LPIN2: variants seen among roughly 807,000 people sequenced by gnomAD.
LPIN2 encodes the protein phosphatidate phosphatase LPIN2.
Under a neutral mutation model 111.4 loss-of-function variants are expected in LPIN2, and 55 were observed. The observed-to-expected ratio is 0.49, with a 90% confidence interval of 0.40 to 0.62. The LOEUF (loss-of-function observed/expected upper bound fraction) is 0.62. LPIN2 is among the 20% of genes least tolerant of loss of function. LPIN2 has a pLI of 0.00. For synonymous variants in LPIN2, 425 were observed against 414.0 expected (o/e 1.03, Z -0.32); for missense variants, 992 against 1,112.1 (o/e 0.89, Z 1.54).
chr18:2,927,610 G>T, intron 12 of LPIN2, 112 bp downstream of exon 12: 1 of 1,136,856 alleles, frequency 8.8e-7, no homozygotes, highest in Non-Finnish European at 1.3e-6. Context: ...CTGCTATATG[G>T]TAAAATAGCC....
chr18:3,011,834 C>T (rs2078609582), intron 1 of LPIN2: 1 of 152,348 alleles, frequency 6.6e-6, no homozygotes, highest in Non-Finnish European at 1.5e-5. Context: ...GACTGCCCTC[C>T]AACAACTGAG....
At chr18:3,008,557 A>T (rs117141442) in intron 1 of LPIN2, among the ~76,000 whole-genome samples, 2,656 of 152,334 alleles carry the variant, frequency 0.017, 41 homozygotes, top group Non-Finnish European at 0.026. Flanking sequence ...TTTGTACCAT[A>T]TATTTTTTGC....
intron 9 of LPIN2, 58 bp downstream of exon 9, chr18:2,931,198 C>A: frequency 6.4e-7 from 1 of 1,573,708 alleles, no homozygotes; most frequent in Non-Finnish European, 8.7e-7. Context: ...TAAGTTTTAA[C>A]CAAGTGATGA....
rs1271228045 is a variant in LPIN2, at chr18:2,918,954, T to G, written c.*1339A>C. On this transcript the variant is annotated 3_prime_UTR_variant, in exon 20 of 20. Coordinates refer to ENST00000677752, the MANE Select transcript of LPIN2 (RefSeq NM_001375808.2). ...CCACCACGTCCTGTGTTCTCGCCAA[T>G]GGAGACCAAGACCTGGGGTTGGTTC... The G allele has an allele frequency of 1.3e-5, 2 of 152,170 alleles. No individual in the cohort carries two copies. Among genetic ancestry groups the G allele is most frequent in the Non-Finnish European group, 2.9e-5 (2 of 68,036 alleles). 9.4% of individuals were successfully genotyped at this position (152,170 alleles called of 1,614,324 possible). A position where few individuals can be genotyped will look rare whatever the true frequency, so the allele number is the denominator to read the frequency against.
intron 1 of LPIN2, chr18:2,978,970 G>A (rs1322321085): frequency 6.6e-6 from 1 of 152,278 alleles, no homozygotes; most frequent in Non-Finnish European, 1.5e-5. Context: ...CAGGACCACA[G>A]GTAGGTGGAA....
At chr18:2,927,652 A>G in intron 12 of LPIN2, 70 bp downstream of exon 12, 1 of 1,553,448 alleles carries the variant, frequency 6.4e-7, no homozygotes, top group Non-Finnish European at 8.9e-7. Flanking sequence ...GCCTGACAAA[A>G]AGGTTTTTTG....
At position 2,970,546 on chromosome 18, in the gene LPIN2, C is replaced by T. The variant is rs183822016; in HGVS notation, c.-9-9697G>A. On this transcript the variant is annotated intron_variant, in intron 1 of 19. Coordinates refer to ENST00000677752, the MANE Select transcript of LPIN2 (RefSeq NM_001375808.2). ...GATGAGCCAGTCATAAGTTTCTTTG[C>T]GTGGTTGTTCAGAGTCCATTTCCAA... 1.3e-4 allele frequency among the ~76,000 whole-genome samples: 20 copies of T among 152,326 alleles called. No individual in the cohort carries two copies. The East Asian group carries it at 3.1e-3, about 23-fold the overall frequency.
chr18:2,976,854 G>C (rs2078026525), intron 1 of LPIN2, among the ~76,000 whole-genome samples: 1 of 152,174 alleles, frequency 6.6e-6, no homozygotes, highest in Non-Finnish European at 1.5e-5. Flanking sequence ...TAAGCCGTAA[G>C]AGCCTTTGGA....
chr18:2,947,498 C>T (rs1209241161), intron 4 of LPIN2, among the ~76,000 whole-genome samples: 3 of 152,168 alleles, frequency 2.0e-5, no homozygotes, highest in African/African-American at 7.2e-5. Flanking sequence ...TAAAGCTCTC[C>T]GATTTCCAGA....
chr18:2,921,472 C>A, intron 18 of LPIN2, 61 bp downstream of exon 18: 1 of 1,263,868 alleles, frequency 7.9e-7, no homozygotes, highest in Non-Finnish European at 1.2e-6. Flanking sequence ...GGCTACACCC[C>A]ACGAAGTACA....
At chr18:2,996,248 G>A (rs1598608358) in intron 1 of LPIN2, among the ~76,000 whole-genome samples, 1 of 151,910 alleles carries the variant, frequency 6.6e-6, no homozygotes, top group Non-Finnish European at 1.5e-5. Context: ...GCTGAGGCAG[G>A]AGAATAGCTT....
At chr18:2,986,113 C>A (rs2078181851) in intron 1 of LPIN2, among the ~76,000 whole-genome samples, 1 of 152,202 alleles carries the variant, frequency 6.6e-6, no homozygotes, top group African/African-American at 2.4e-5. Flanking sequence ...TGAAGTGTTT[C>A]TTCTCCTAAA....
chr18:2,990,985 G>A (rs650148), intron 1 of LPIN2: 541,303 of 568,716 alleles, frequency 0.95, 259,656 homozygotes, highest in East Asian at 1. Context: ...GCCCATGGGA[G>A]GCCACATGCC....
chr18:2,920,630 T>G (rs1345960500), intron 19 of LPIN2, 148 bp downstream of exon 19: 4 of 803,304 alleles, frequency 5.0e-6, no homozygotes, highest in African/African-American at 3.4e-5. Flanking sequence ...ACAGATATTG[T>G]GAAAGAGAGA....
In LPIN2 at chr18:2,927,736, T is replaced by C; in HGVS notation, c.1696A>G (p.Ser566Gly). The C allele has an allele frequency of 6.2e-7, 1 of 1,614,184 alleles. No homozygotes were observed. Among genetic ancestry groups the C allele is most frequent in the South Asian group, 1.1e-5 (1 of 91,084 alleles). ...GRWWFWRKRE[S>G]MTKQLPESKE... is the part of the protein sequence containing the mutation. ...AGGTCTGTTACCTGTTTGGTCATGC[T>C]TTCTCTCTTTCGCCAAAACCACCAG... The change falls in exon 12 of 20, where the codon AGC becomes GGC. Residue 566 changes from serine (S) to glycine (G), a missense_variant. Physicochemically the swap from Ser to Gly is moderately conservative, Grantham distance 56. Around this residue, in one of 4 missense-constraint regions of LPIN2, gnomAD observed 709 missense variants for 753.2 expected, o/e 0.94. Transcript: ENST00000677752.
intron 3 of LPIN2, among the ~76,000 whole-genome samples, chr18:2,951,698 A>C (rs916570268): frequency 1.3e-5 from 2 of 152,208 alleles, no homozygotes; most frequent in African/African-American, 4.8e-5. Flanking sequence ...CAAAAATCTC[A>C]GGAGGTGTTA....
intron 1 of LPIN2, among the ~76,000 whole-genome samples, chr18:2,961,804 A>C (rs552914783): frequency 6.6e-6 from 1 of 152,344 alleles, no homozygotes; most frequent in South Asian, 2.1e-4. Context: ...AGTGAAAGCC[A>C]TTCTGGGGAC....
intron 1 of LPIN2, chr18:2,985,348 G>C (rs1003803065): frequency 2.0e-5 from 3 of 152,044 alleles, no homozygotes; most frequent in Non-Finnish European, 4.4e-5. Flanking sequence ...AAAGGAAAAC[G>C]CTACTGTATT....
At chr18:3,007,963 T>A (rs772728009) in intron 1 of LPIN2, among the ~76,000 whole-genome samples, 8 of 152,224 alleles carry the variant, frequency 5.3e-5, no homozygotes, top group Non-Finnish European at 8.8e-5. Context: ...CCAGGAACCA[T>A]AAATGTCATA....
Sources: gnomAD v4.1 joint callset for allele counts (sites outside exome capture counted in the v4.1 genomes callset) on GRCh38, gnomAD v4.1.1 for gene constraint, gnomAD v4.1.1 regional missense constraint, MANE v1.5 for transcripts, NCBI Gene and HGNC (gene_info 2026-07-23, HGNC 2026-07-21) for gene names.